Variants in LEPR observed in about 807,000 individuals in gnomAD.
The protein encoded by LEPR is leptin receptor.
A neutral mutation model predicts 114.7 loss-of-function variants in LEPR; 56 were observed. That is an observed-to-expected ratio of 0.49 (90% confidence interval 0.39 to 0.61). The LOEUF (loss-of-function observed/expected upper bound fraction) is 0.61, where lower values mean the gene tolerates loss of function less well. Ranked by LOEUF, LEPR falls within the 20% of genes least tolerant of loss-of-function variation. The pLI is 0.00. For missense variants in LEPR, 1,202 were observed against 1,352.9 expected (o/e 0.89, Z 1.75); for synonymous variants, 443 against 461.4 (o/e 0.96, Z 0.51).
intron 6 of LEPR, among the ~76,000 whole-genome samples, chr1:65,594,795 G>A (rs1233161776): frequency 6.6e-6 from 1 of 151,936 alleles, no homozygotes; most frequent in South Asian, 2.1e-4. Context: ...TTATCAGTAA[G>A]AATGAAGGAG....
At chr1:65,440,377 G>A (rs1255374153) in intron 2 of LEPR, among the ~76,000 whole-genome samples, 1 of 149,420 alleles carries the variant, frequency 6.7e-6, no homozygotes. Context: ...TTTTTTGGTA[G>A]GGAAGCAAAA....
chr1:65,506,313 A>T (rs916152079), intron 2 of LEPR, among the ~76,000 whole-genome samples: 2 of 152,244 alleles, frequency 1.3e-5, no homozygotes, highest in Non-Finnish European at 2.9e-5. Context: ...AGGAGGATCG[A>T]TAAAAATTGA....
chr1:65,601,317 A>G, intron 8 of LEPR, 75 bp from the exon 9 acceptor site: 2 of 1,544,222 alleles, frequency 1.3e-6, no homozygotes, highest in Non-Finnish European at 1.8e-6. Context: ...TGTGTTGTGA[A>G]TATTTTTCGA....
chr1:65,605,197 A>G lies in LEPR; in HGVS notation c.1563A>G (p.Ser521=), dbSNP rs1181273635. 4 of 1,614,104 alleles carry G rather than the reference A, an allele frequency of 2.5e-6. No individual in the cohort carries two copies. Among genetic ancestry groups the G allele is most frequent in the Non-Finnish European group, 3.4e-6 (4 of 1,180,014 alleles). The change falls in exon 11 of 20, where the codon TCA becomes TCG. Residue 521 remains serine (S), a synonymous_variant. Transcript: ENST00000349533. The stretch of plus-strand genomic sequence containing the variant: ...TTAGGATCAATCACTCTCTAGGTTC[A>G]CTTGACTCTCCACCAACATGTGTCC... ...MWIRINHSLG[S]LDSPPTCVLP...
intron 2 of LEPR, among the ~76,000 whole-genome samples, chr1:65,504,961 A>T (rs1031329034): frequency 9.2e-5 from 14 of 152,182 alleles, no homozygotes; most frequent in African/African-American, 3.4e-4. Context: ...TTCCAATTAA[A>T]TCAGAATTTC....
chr1:65,623,046 A>C, intron 19 of LEPR, 65 bp downstream of exon 19: 1 of 1,460,626 alleles, frequency 6.8e-7, no homozygotes, highest in Non-Finnish European at 9.5e-7. Flanking sequence ...CATATGACTT[A>C]TAGAGCATTA....
chr1:65,487,342 A>G (rs74082065), intron 2 of LEPR, among the ~76,000 whole-genome samples: 3 of 152,258 alleles, frequency 2.0e-5, no homozygotes, highest in Admixed American at 6.5e-5. Flanking sequence ...TGTGGGCACT[A>G]CATGATGTTT....
intron 2 of LEPR, among the ~76,000 whole-genome samples, chr1:65,493,472 C>CT (rs1179016584): frequency 6.6e-6 from 1 of 152,032 alleles, no homozygotes; most frequent in Non-Finnish European, 1.5e-5. Flanking sequence ...GGCTTTCCCT[C>CT]TTTTTTCTCC....
Position 65,594,347 on chromosome 1 carries a change from A to C in LEPR, c.703+1482A>C, listed in dbSNP as rs115342247. ...GAAAGAGATATGAGAGTATTAAGGG[A>C]TGAGGTCAGAGTTACCTGGTCCAGA... On this transcript the variant is annotated intron_variant, in intron 6 of 19. Coordinates refer to ENST00000349533, the MANE Select transcript of LEPR (RefSeq NM_002303.6). Among the ~76,000 whole-genome samples the C allele has an allele frequency of 4.6e-3, 707 of 152,148 alleles. 10 individuals carry two copies. Among genetic ancestry groups the C allele is most frequent in the Middle Eastern group, 0.014 (4 of 294 alleles).
At chr1:65,586,416 C>T (rs1471013849) in intron 5 of LEPR, among the ~76,000 whole-genome samples, 1 of 151,970 alleles carries the variant, frequency 6.6e-6, no homozygotes, top group Non-Finnish European at 1.5e-5. Context: ...ATACTTTTGG[C>T]TTATACCTGG....
At chr1:65,549,134 G>A (rs1015024495) in intron 2 of LEPR, among the ~76,000 whole-genome samples, 1 of 151,480 alleles carries the variant, frequency 6.6e-6, no homozygotes, top group Non-Finnish European at 1.5e-5. Flanking sequence ...TTGAATATTG[G>A]TCCCCACTCT....
rs918686183 is a variant in LEPR, at chr1:65,500,604, G to A, written c.-20-64942G>A. Among the ~76,000 whole-genome samples, 10 of 152,070 alleles carry A rather than the reference G, an allele frequency of 6.6e-5. No homozygotes were observed. In the South Asian group the frequency reaches 8.3e-4, roughly 13 times the overall value. ...AGTAAATATATTTTGTCTAACTTACGATTTTCTGAATAACATTTTCTTTTC... is the reference window on the plus strand; with the variant it reads ...AGTAAATATATTTTGTCTAACTTACAATTTTCTGAATAACATTTTCTTTTC... On this transcript the variant is annotated intron_variant, in intron 2 of 19. Transcript: ENST00000349533.
intron 10 of LEPR, 88 bp downstream of exon 10, chr1:65,602,048 AT>A: frequency 3.6e-6 from 4 of 1,123,548 alleles, no homozygotes; most frequent in Non-Finnish European, 4.1e-6. Flanking sequence ...AGTCTTACAG[AT>A]TATTTGCTTC....
intron 2 of LEPR, among the ~76,000 whole-genome samples, chr1:65,543,669 T>C (rs563785335): frequency 6.6e-6 from 1 of 152,082 alleles, no homozygotes; most frequent in South Asian, 2.1e-4. Flanking sequence ...AGGGGTCCAG[T>C]CTCAGTTTTC....
intron 2 of LEPR, among the ~76,000 whole-genome samples, chr1:65,465,805 T>A (rs1647004334): frequency 6.6e-6 from 1 of 152,184 alleles, no homozygotes; most frequent in African/African-American, 2.4e-5. Context: ...CTTTTGTTCT[T>A]TGTTGGTTTA....
chr1:65,609,818 G>A, intron 12 of LEPR, 129 bp from the exon 13 acceptor site: 1 of 1,296,234 alleles, frequency 7.7e-7, no homozygotes, highest in Non-Finnish European at 1.1e-6. Context: ...ATTTCTGAAG[G>A]CAGAGAACAC....
chr1:65,599,163 TTTATA>T (rs1189908837), intron 8 of LEPR, among the ~76,000 whole-genome samples: 1 of 152,178 alleles, frequency 6.6e-6, no homozygotes, highest in Non-Finnish European at 1.5e-5. Context: ...AACATTTTAC[TTTATA>T]TTATATAATA....
At chr1:65,525,330 GCGGGTCC>G (rs1489040714) in intron 2 of LEPR, among the ~76,000 whole-genome samples, 3 of 152,178 alleles carry the variant, frequency 2.0e-5, no homozygotes, top group Non-Finnish European at 2.9e-5. Flanking sequence ...GGTCACCGAC[GCGGGTCC>G]GGGGTGGGGG....
intron 3 of LEPR, among the ~76,000 whole-genome samples, 175 bp downstream of exon 3, chr1:65,565,780 G>A (rs971356508): frequency 4.0e-5 from 6 of 151,840 alleles, no homozygotes; most frequent in East Asian, 1.9e-4. Context: ...GTGTGAAAAC[G>A]AAAACCCTTC....
Sources: gnomAD v4.1 joint callset for allele counts (sites outside exome capture counted in the v4.1 genomes callset) on GRCh38, gnomAD v4.1.1 for gene constraint, MANE v1.5 for transcripts, NCBI Gene and HGNC (gene_info 2026-07-23, HGNC 2026-07-21) for gene names.